DCC: variants seen among roughly 807,000 people sequenced by gnomAD.
DCC encodes netrin receptor DCC.
Under a neutral mutation model 172.5 loss-of-function variants are expected in DCC, and 58 were observed. The ratio of observed to expected loss-of-function variants is 0.34; its 90% CI spans 0.27 to 0.42. The LOEUF (loss-of-function observed/expected upper bound fraction) is 0.42. Ranked by LOEUF, DCC falls within the 10% of genes least tolerant of loss-of-function variation. The pLI, the probability that DCC is intolerant of heterozygous loss-of-function variation, is 1.00. For missense variants in DCC, 1,740 were observed against 1,791.0 expected (o/e 0.97, Z 0.51); for synonymous variants, 709 against 644.5 (o/e 1.10, Z -1.52).
At chr18:53,213,518 G>A (rs2144573803) in intron 11 of DCC, among the ~76,000 whole-genome samples, 1 of 151,678 alleles carries the variant, frequency 6.6e-6, no homozygotes, top group East Asian at 1.9e-4. Context: ...CGTGGTGGTG[G>A]GCACCTGTAG....
chr18:52,970,870 G>A (rs147770081), intron 5 of DCC, among the ~76,000 whole-genome samples: 5 of 152,230 alleles, frequency 3.3e-5, no homozygotes, highest in Non-Finnish European at 7.4e-5. Context: ...GCAGCACACC[G>A]CTGTGCAGAG....
At chr18:53,189,104 A>T (rs948345983) in intron 9 of DCC, among the ~76,000 whole-genome samples, 1 of 152,156 alleles carries the variant, frequency 6.6e-6, no homozygotes, top group Non-Finnish European at 1.5e-5. Context: ...GTACGATTCA[A>T]TGTCATCTGT....
intron 7 of DCC, among the ~76,000 whole-genome samples, chr18:53,136,361 C>T (rs2043742757): frequency 6.6e-6 from 1 of 151,838 alleles, no homozygotes; most frequent in African/African-American, 2.4e-5. Flanking sequence ...GAAAGAACAG[C>T]ACATGTCATG....
intron 1 of DCC, among the ~76,000 whole-genome samples, chr18:52,704,721 G>T (rs767644414): frequency 6.6e-6 from 1 of 152,150 alleles, no homozygotes; most frequent in Non-Finnish European, 1.5e-5. Context: ...CCTTTGTCAC[G>T]CACTTAAGGT....
At position 52,631,271 on chromosome 18, in the gene DCC, G is replaced by A. The variant is rs1004770377; in HGVS notation, c.92-120783G>A. Among the ~76,000 whole-genome samples the A allele has an allele frequency of 2.9e-4, 44 of 151,906 alleles. 1 individual carries two copies. Among genetic ancestry groups the A allele is most frequent in the South Asian group, 2.5e-3 (12 of 4,806 alleles). On this transcript the variant is annotated intron_variant, in intron 1 of 28. Transcript: ENST00000442544. The stretch of plus-strand genomic sequence containing the variant: ...CATTCCCCATGCCAACATGATAGCC[G>A]CAGGCTTGACTAATAAAAAGAGAGA...
intron 1 of DCC, among the ~76,000 whole-genome samples, chr18:52,510,249 C>G (rs2031386596): frequency 6.6e-6 from 1 of 152,114 alleles, no homozygotes; most frequent in South Asian, 2.1e-4. Context: ...TGAATGTGGG[C>G]TACTGTCCAA....
intron 2 of DCC, among the ~76,000 whole-genome samples, chr18:52,822,578 A>G (rs754073226): frequency 1.3e-5 from 2 of 152,184 alleles, no homozygotes; most frequent in Non-Finnish European, 2.9e-5. Flanking sequence ...TTTTCCCCCT[A>G]AACAAAAAGG....
At chr18:53,295,071 C>T (rs776043370) in intron 12 of DCC, among the ~76,000 whole-genome samples, 3 of 152,020 alleles carry the variant, frequency 2.0e-5, no homozygotes, top group African/African-American at 4.8e-5. Context: ...TATTACCCAA[C>T]GTGTACTTAA....
intron 7 of DCC, among the ~76,000 whole-genome samples, chr18:53,155,381 G>A (rs2054713755): frequency 1.3e-5 from 2 of 152,106 alleles, no homozygotes; most frequent in African/African-American, 4.8e-5. Context: ...TGTGATTTGT[G>A]GCTAGAGATC....
chr18:52,522,751 T>C (rs911310785), intron 1 of DCC, among the ~76,000 whole-genome samples: 3 of 152,174 alleles, frequency 2.0e-5, no homozygotes, highest in Non-Finnish European at 4.4e-5. Flanking sequence ...CTAAGTATGT[T>C]TGTATATTTA....
At chr18:53,430,655 T>G (rs1469032527) in intron 21 of DCC, among the ~76,000 whole-genome samples, 1 of 152,138 alleles carries the variant, frequency 6.6e-6, no homozygotes, top group Non-Finnish European at 1.5e-5. Flanking sequence ...AGGTGACATG[T>G]AAGGATAATA....
intron 1 of DCC, among the ~76,000 whole-genome samples, chr18:52,658,596 A>G (rs2035298856): frequency 7.4e-6 from 1 of 134,710 alleles, no homozygotes; most frequent in Admixed American, 7.1e-5. Context: ...ATTTCTAATG[A>G]ATCTGAGAAA....
intron 25 of DCC, among the ~76,000 whole-genome samples, chr18:53,471,144 T>C (rs1194179290): frequency 6.6e-6 from 1 of 152,168 alleles, no homozygotes; most frequent in Admixed American, 6.5e-5. Flanking sequence ...CTTTAGCTTT[T>C]TGAAAAACAA....
rs562362585 is a variant in DCC at position 53,050,843 on chromosome 18, T to C, written c.986-12462T>C. Among the ~76,000 whole-genome samples the C allele has an allele frequency of 1.1e-3, 160 of 152,162 alleles. 4 individuals carry two copies. The South Asian group carries it at 0.032, about 30-fold the overall frequency. ...AGGAATGGCTTGGAAATTTTTTAAA[T>C]GCAAAAAGGAAAAGAGATATATCTA... On this transcript the variant is annotated intron_variant, in intron 5 of 28. Coordinates refer to ENST00000442544, the MANE Select transcript of DCC (RefSeq NM_005215.4).
intron 5 of DCC, among the ~76,000 whole-genome samples, chr18:52,959,860 G>A (rs2040813515): frequency 6.6e-6 from 1 of 152,088 alleles, no homozygotes; most frequent in South Asian, 2.1e-4. Context: ...GAGTCTGCTG[G>A]TGAGCACTGA....
At chr18:52,346,451 A>G (rs1272959483) in intron 1 of DCC, among the ~76,000 whole-genome samples, 1 of 152,230 alleles carries the variant, frequency 6.6e-6, no homozygotes, top group Non-Finnish European at 1.5e-5. Context: ...AAGTTATTTG[A>G]CAAATTTTAG....
chr18:52,920,565 A>G (rs1413880779), intron 3 of DCC, among the ~76,000 whole-genome samples: 2 of 152,184 alleles, frequency 1.3e-5, no homozygotes, highest in Non-Finnish European at 2.9e-5. Flanking sequence ...ACAAGGATGT[A>G]GAACTTTTTT....
intron 1 of DCC, among the ~76,000 whole-genome samples, chr18:52,702,729 C>T (rs2036145850): frequency 6.6e-6 from 1 of 152,146 alleles, no homozygotes; most frequent in Admixed American, 6.5e-5. Context: ...GGGGAATTCA[C>T]ATTGCAAATT....
intron 5 of DCC, among the ~76,000 whole-genome samples, chr18:53,013,357 C>T (rs2041758982): frequency 6.6e-6 from 1 of 152,034 alleles, no homozygotes; most frequent in Non-Finnish European, 1.5e-5. Context: ...CCATGGAATA[C>T]TACACAGCCA....
Sources: allele counts gnomAD v4.1 joint callset (sites outside exome capture counted in the v4.1 genomes callset), GRCh38; gene constraint gnomAD v4.1.1; transcripts MANE v1.5; gene names NCBI Gene and HGNC (gene_info 2026-07-23, HGNC 2026-07-21).